DDX18: variants seen among roughly 807,000 people sequenced by gnomAD.
The protein encoded by DDX18 is DEAD-box helicase 18, also known as ATP-dependent RNA helicase DDX18.
Under a neutral mutation model 73.5 loss-of-function variants are expected in DDX18, and 23 were observed. The ratio of observed to expected loss-of-function variants is 0.31; its 90% CI spans 0.23 to 0.44. The LOEUF is 0.44. Ranked by LOEUF, DDX18 falls within the 20% of genes least tolerant of loss-of-function variation. The pLI, the probability that DDX18 is intolerant of heterozygous loss-of-function variation, is 1.00. For synonymous variants in DDX18, 268 were observed against 282.7 expected (o/e 0.95, Z 0.52); for missense variants, 753 against 792.9 (o/e 0.95, Z 0.60).
chr2:117,817,556 A>G lies in DDX18; in HGVS notation c.198A>G (p.Ser66=). 5 of 1,614,038 alleles carry G rather than the reference A, an allele frequency of 3.1e-6. No individual in the cohort carries two copies. The highest frequency in any genetic ancestry group is 4.2e-6 in the Non-Finnish European group (5 of 1,179,962). The change falls in exon 2 of 14, where the codon TCA becomes TCG. Residue 66 remains serine (S), a synonymous_variant. Transcript: ENST00000263239. ...SKQKPMNVGL[S]ETQNGGMSQE... ...AAAAGCCCATGAATGTGGGCTTATC[A>G]GAAACTCAAAATGGAGGCATGTCTC...
chr2:117,823,454 C>T (rs1165448181), intron 7 of DDX18, among the ~76,000 whole-genome samples: 1 of 152,042 alleles, frequency 6.6e-6, no homozygotes, highest in Non-Finnish European at 1.5e-5. Context: ...TACATATATA[C>T]ACACACACAT....
At chr2:117,828,163 G>C (rs1679965834) in intron 11 of DDX18, 1 of 152,134 alleles carries the variant, frequency 6.6e-6, no homozygotes, top group South Asian at 2.1e-4. Flanking sequence ...CCCACTTTTT[G>C]ATTGGGTTGT....
At chr2:117,829,255 TG>T in intron 12 of DDX18, 33 bp from the exon 13 acceptor site, 1 of 1,554,346 alleles carries the variant, frequency 6.4e-7, no homozygotes, top group Non-Finnish European at 8.7e-7. Flanking sequence ...TGTTTGTTTT[TG>T]TTTATTAAAA....
Position 117,830,555 on chromosome 2 carries a change from C to T in DDX18, c.1871-27C>T, listed in dbSNP as rs1260426781. On this transcript the variant is annotated intron_variant, in intron 13 of 13. Coordinates refer to ENST00000263239, the MANE Select transcript of DDX18 (RefSeq NM_006773.4). Reference sequence around the variant, plus strand: ...AGATTGGAGTTCATTATCTTTTTTGCTTGATTTCCTTAATGTTTGCCTCCA... The same window carrying T: ...AGATTGGAGTTCATTATCTTTTTTGTTTGATTTCCTTAATGTTTGCCTCCA... 31 of 1,597,872 alleles carry T rather than the reference C, an allele frequency of 1.9e-5. No individual in the cohort carries two copies. In the Admixed American group the frequency reaches 2.5e-4, roughly 13 times the overall value.
Position 117,825,901 on chromosome 2 carries a change from T to C in DDX18, c.1521+302T>C, listed in dbSNP as rs148385694. On this transcript the variant is annotated intron_variant, in intron 10 of 13. Coordinates refer to ENST00000263239, the MANE Select transcript of DDX18 (RefSeq NM_006773.4). ...TTGCTTAAGGAAGTAGATAAACTTC[T>C]GTAGTATATGTGGTAGAATAAGCTT... The C allele has an allele frequency of 4.7e-3, 1,959 of 413,142 alleles. 7 individuals are homozygous for C. The highest frequency in any genetic ancestry group is 7.2e-3 in the Admixed American group (183 of 25,446). The allele number at this position is 413,142 out of a possible 1,614,324, so 25.6% of individuals were successfully genotyped here. A position where few individuals can be genotyped will look rare whatever the true frequency, so the allele number is the denominator to read the frequency against.
chr2:117,820,997 A>G (rs1186830075), intron 3 of DDX18, among the ~76,000 whole-genome samples, 164 bp from the exon 4 acceptor site: 2 of 152,180 alleles, frequency 1.3e-5, no homozygotes, highest in Non-Finnish European at 2.9e-5. Flanking sequence ...AGAAACTTGA[A>G]AGATATAGGG....
intron 11 of DDX18, 108 bp downstream of exon 11, chr2:117,826,490 C>A: frequency 2.0e-6 from 2 of 1,003,162 alleles, no homozygotes; most frequent in Admixed American, 2.2e-5. Flanking sequence ...GCTGTTACAA[C>A]CATTCTTATG....
At chr2:117,822,085 A>T (rs763974621) in intron 6 of DDX18, 24 bp downstream of exon 6, 3 of 1,613,842 alleles carry the variant, frequency 1.9e-6, no homozygotes, top group Non-Finnish European at 2.5e-6. Flanking sequence ...TGCTTGTCTC[A>T]TTGTCTTGTA....
intron 12 of DDX18, 128 bp downstream of exon 12, chr2:117,829,133 G>A: frequency 9.0e-7 from 1 of 1,108,312 alleles, no homozygotes; most frequent in Non-Finnish European, 1.3e-6. Flanking sequence ...AGGCTGTGTA[G>A]TGTATAAGGT....
In DDX18 at chr2:117,817,434, A is replaced by G. The variant is rs774698931; in HGVS notation, c.86-10A>G. 3.1e-6 allele frequency: 5 copies of G among 1,589,048 alleles called. No homozygotes were observed. In the African/African-American group the frequency reaches 5.5e-5, roughly 17 times the overall value. On this transcript the variant is annotated splice_polypyrimidine_tract_variant and intron_variant, in intron 1 of 13. Coordinates refer to ENST00000263239, the MANE Select transcript of DDX18 (RefSeq NM_006773.4). ...CTTTGTCACAGTATATGTTCTGTTT[A>G]TTTAAACAGGGGCCTCAAATCTGAC...
intron 4 of DDX18, 84 bp from the exon 5 acceptor site, chr2:117,821,566 G>T: frequency 6.9e-7 from 1 of 1,444,250 alleles, no homozygotes. Context: ...TCATGTTCTA[G>T]CCGTAGTGCC....
chr2:117,829,122 C>A, intron 12 of DDX18, 117 bp downstream of exon 12: 1 of 1,150,048 alleles, frequency 8.7e-7, no homozygotes, highest in Non-Finnish European at 1.3e-6. Flanking sequence ...AAGTGAGGAT[C>A]AGGCTGTGTA....
intron 1 of DDX18, among the ~76,000 whole-genome samples, chr2:117,815,328 T>C (rs926084452): frequency 1.3e-5 from 2 of 152,222 alleles, no homozygotes; most frequent in Non-Finnish European, 2.9e-5. Flanking sequence ...TCTTTGATAC[T>C]ATTGCCTTCC....
chr2:117,823,743 G>A (rs1326725648), intron 7 of DDX18, among the ~76,000 whole-genome samples: 1 of 152,126 alleles, frequency 6.6e-6, no homozygotes, highest in African/African-American at 2.4e-5. Context: ...TTAGGGGAAA[G>A]CATTCAGTCT....
Position 117,824,617 on chromosome 2 carries a change from A to G in DDX18, c.1115A>G (p.Glu372Gly). 1.3e-6 allele frequency: 2 copies of G among 1,501,182 alleles called. No homozygotes were observed. Among genetic ancestry groups the G allele is most frequent in the South Asian group, 1.4e-5 (1 of 70,554 alleles). 93.0% of individuals were successfully genotyped at this position (1,501,182 alleles called of 1,614,324 possible). The change falls in exon 8 of 14, where the codon GAA (glutamate) becomes GGA (glycine). Residue 372 changes from glutamate to glycine, a missense_variant. By Grantham distance (98) the Glu-to-Gly change is moderately conservative. Transcript: ENST00000263239. Reference sequence around the variant, plus strand: ...TCTGCCACCCAAACTCGAAAAGTTGAAGACCTGGCAAGGATTTCTCTGAAA... The same window carrying G: ...TCTGCCACCCAAACTCGAAAAGTTGGAGACCTGGCAAGGATTTCTCTGAAA... ...LFSATQTRKV[E>G]DLARISLKKE...
intron 3 of DDX18, among the ~76,000 whole-genome samples, chr2:117,820,633 G>C (rs59698928): frequency 0.082 from 12,523 of 152,278 alleles, 701 homozygotes; most frequent in African/African-American, 0.14. Context: ...GGCATGTGGA[G>C]TATGGGGAAC....
At chr2:117,826,209 A>G in intron 10 of DDX18, 60 bp from the exon 11 acceptor site, 1 of 1,428,634 alleles carries the variant, frequency 7.0e-7, no homozygotes, top group South Asian at 1.2e-5. Context: ...GGATGCAGAT[A>G]CGCAAATGGG....
At chr2:117,816,927 T>C (rs961472114) in intron 1 of DDX18, among the ~76,000 whole-genome samples, 3 of 152,262 alleles carry the variant, frequency 2.0e-5, no homozygotes, top group Non-Finnish European at 4.4e-5. Context: ...CGCATTACTG[T>C]ATTTGCATAT....
intron 9 of DDX18, 152 bp from the exon 10 acceptor site, chr2:117,825,295 A>G (rs1455870217): frequency 5.9e-6 from 7 of 1,178,784 alleles, no homozygotes; most frequent in Admixed American, 2.4e-5. Flanking sequence ...GCAAGACACC[A>G]TCCTCCTTGA....
Sources: gnomAD v4.1 joint callset for allele counts (sites outside exome capture counted in the v4.1 genomes callset) on GRCh38, gnomAD v4.1.1 for gene constraint, MANE v1.5 for transcripts, NCBI Gene and HGNC (gene_info 2026-07-23, HGNC 2026-07-21) for gene names.